TPD52L2: variants seen among roughly 807,000 people sequenced by gnomAD.
The protein encoded by TPD52L2 is TPD52 like 2.
TPD52L2 carries 19 observed loss-of-function variants against 24.7 expected under a neutral mutation model. That is an observed-to-expected ratio of 0.77 (90% confidence interval 0.54 to 1.13). The LOEUF is 1.13. Among genes scored for constraint, TPD52L2 ranks in the 50% most tolerant of loss-of-function variants. The pLI is 0.00. For synonymous variants in TPD52L2, 104 were observed against 100.2 expected (o/e 1.04, Z -0.23); for missense variants, 236 against 250.4 (o/e 0.94, Z 0.39).
At chr20:63,874,707 G>T (rs1021356171) in intron 3 of TPD52L2, among the ~76,000 whole-genome samples, 21 of 151,542 alleles carry the variant, frequency 1.4e-4, no homozygotes, top group African/African-American at 4.1e-4. Flanking sequence ...AGACACACTG[G>T]CTAGTTGTCC....
intron 1 of TPD52L2, among the ~76,000 whole-genome samples, chr20:63,867,223 G>C (rs756296903): frequency 2.0e-5 from 3 of 152,124 alleles, no homozygotes; most frequent in Admixed American, 1.3e-4. Flanking sequence ...AAAAGTGCTG[G>C]GATTACAGGT....
chr20:63,874,492 AC>A (rs1286421950), intron 3 of TPD52L2, among the ~76,000 whole-genome samples: 1 of 139,970 alleles, frequency 7.1e-6, no homozygotes, highest in Non-Finnish European at 1.6e-5. Flanking sequence ...TCCCAACTCA[AC>A]CCCCCTCGTA....
intron 2 of TPD52L2, among the ~76,000 whole-genome samples, chr20:63,869,728 A>T (rs2052390652): frequency 6.6e-6 from 1 of 152,210 alleles, no homozygotes; most frequent in African/African-American, 2.4e-5. Context: ...ACCGCCTCTG[A>T]GCAGCCATCT....
At chr20:63,882,160 CTG>C (rs771496161) in intron 4 of TPD52L2, among the ~76,000 whole-genome samples, 7 of 152,256 alleles carry the variant, frequency 4.6e-5, no homozygotes, top group Non-Finnish European at 7.3e-5. Context: ...CATGGCCACT[CTG>C]TGACGCTCGT....
intron 5 of TPD52L2, 111 bp downstream of exon 5, chr20:63,882,931 C>G (rs1367351330): frequency 2.5e-6 from 2 of 793,692 alleles, no homozygotes; most frequent in East Asian, 5.4e-5. Flanking sequence ...TGCACTGGCT[C>G]AGGGATGTGG....
At chr20:63,884,806 G>A (rs1006380483) in intron 5 of TPD52L2, among the ~76,000 whole-genome samples, 9 of 152,136 alleles carry the variant, frequency 5.9e-5, no homozygotes, top group Non-Finnish European at 4.4e-5. Context: ...CTGGGGGAGC[G>A]GGGCCTCAGG....
intron 1 of TPD52L2, among the ~76,000 whole-genome samples, chr20:63,866,069 C>T (rs964430766): frequency 2.0e-5 from 3 of 152,080 alleles, no homozygotes; most frequent in African/African-American, 7.3e-5. Flanking sequence ...CATTTTGGGG[C>T]TCTAGAGAGG....
At chr20:63,871,337 C>G (rs926569180) in intron 2 of TPD52L2, among the ~76,000 whole-genome samples, 12 of 148,122 alleles carry the variant, frequency 8.1e-5, no homozygotes, top group Admixed American at 1.4e-4. Flanking sequence ...GCCGCTGTAC[C>G]CAGCCAAGAA....
intron 1 of TPD52L2, among the ~76,000 whole-genome samples, chr20:63,865,826 A>G (rs761612798): frequency 2.6e-5 from 4 of 151,904 alleles, no homozygotes; most frequent in Non-Finnish European, 4.4e-5. Context: ...GCTCCCGAGC[A>G]GAGAAGGGGT....
intron 2 of TPD52L2, among the ~76,000 whole-genome samples, chr20:63,871,881 G>T (rs921657187): frequency 6.6e-5 from 10 of 151,904 alleles, no homozygotes; most frequent in African/African-American, 2.2e-4. Flanking sequence ...TGATCTGCCC[G>T]CCTCGGCCTC....
intron 4 of TPD52L2, among the ~76,000 whole-genome samples, chr20:63,878,651 T>C (rs2052779888): frequency 6.6e-6 from 1 of 152,004 alleles, no homozygotes; most frequent in Non-Finnish European, 1.5e-5. Flanking sequence ...CCATCCTGAG[T>C]GGGAGTGGGG....
chr20:63,865,420 G>C, intron 1 of TPD52L2, 36 bp downstream of exon 1: 3 of 1,512,372 alleles, frequency 2.0e-6, no homozygotes, highest in Non-Finnish European at 2.6e-6. Flanking sequence ...CCGCAGATGG[G>C]CCCAGGCTGC....
chr20:63,870,427 A>G (rs2052414720), intron 2 of TPD52L2, among the ~76,000 whole-genome samples: 1 of 152,268 alleles, frequency 6.6e-6, no homozygotes, highest in East Asian at 1.9e-4. Flanking sequence ...AGGAAGTCCA[A>G]GGACACTTTG....
intron 4 of TPD52L2, among the ~76,000 whole-genome samples, chr20:63,880,811 C>A (rs1167986631): frequency 1.3e-5 from 2 of 150,430 alleles, no homozygotes; most frequent in Non-Finnish European, 3.0e-5. Flanking sequence ...GAATGGCGTG[C>A]ACCCGTGAGG....
chr20:63,886,612 G>T (rs542157061), intron 5 of TPD52L2, among the ~76,000 whole-genome samples: 1 of 151,866 alleles, frequency 6.6e-6, no homozygotes, highest in South Asian at 2.1e-4. Context: ...GCCTCCCAAA[G>T]TGCTGGGATT....
chr20:63,866,923 G>T (rs2052267177), intron 1 of TPD52L2, among the ~76,000 whole-genome samples: 4 of 151,468 alleles, frequency 2.6e-5, no homozygotes, highest in Non-Finnish European at 2.9e-5. Context: ...AAGACTACAG[G>T]CGCACCATGC....
At chr20:63,873,893 G>A (rs1385267281) in intron 3 of TPD52L2, 77 bp downstream of exon 3, 5 of 1,391,512 alleles carry the variant, frequency 3.6e-6, no homozygotes, top group East Asian at 2.8e-5. Flanking sequence ...GTGGGGGGGC[G>A]TCGTCATGCC....
chr20:63,886,486 C>A (rs1243190877), intron 5 of TPD52L2, among the ~76,000 whole-genome samples: 2 of 151,840 alleles, frequency 1.3e-5, no homozygotes, highest in Non-Finnish European at 2.9e-5. Context: ...TCAGCCTCTC[C>A]GAGTAGCTGG....
intron 5 of TPD52L2, chr20:63,887,334 C>G (rs1390599885): frequency 2.5e-5 from 16 of 643,348 alleles, no homozygotes; most frequent in Non-Finnish European, 3.6e-5. Context: ...AGTGCTCTCC[C>G]CCCTCCCAGT....
Sources: allele counts gnomAD v4.1 joint callset (sites outside exome capture counted in the v4.1 genomes callset), GRCh38; gene constraint gnomAD v4.1.1; transcripts MANE v1.5; gene names NCBI Gene and HGNC (gene_info 2026-07-23, HGNC 2026-07-21).